HACD1: variants seen among roughly 807,000 people sequenced by gnomAD.
HACD1 encodes the protein very-long-chain (3R)-3-hydroxyacyl-CoA dehydratase 1.
HACD1 carries 41 observed loss-of-function variants against 32.0 expected under a neutral mutation model. The ratio of observed to expected loss-of-function variants is 1.28; its 90% CI spans 1.00 to 1.66. HACD1 has a LOEUF of 1.66. HACD1 is among the 40% of genes most tolerant of loss of function. The pLI, the probability that HACD1 is intolerant of heterozygous loss-of-function variation, is 0.00. For synonymous variants in HACD1, 142 were observed against 139.0 expected (o/e 1.02, Z -0.15); for missense variants, 396 against 380.1 (o/e 1.04, Z -0.35).
intron 6 of HACD1, among the ~76,000 whole-genome samples, chr10:17,592,874 C>T (rs1445097910): frequency 6.6e-6 from 1 of 152,120 alleles, no homozygotes; most frequent in African/African-American, 2.4e-5. Flanking sequence ...TATCTTTCAC[C>T]ACTAAGTCAA....
intron 1 of HACD1, among the ~76,000 whole-genome samples, chr10:17,610,943 A>G (rs1224699212): frequency 6.6e-6 from 1 of 151,764 alleles, no homozygotes; most frequent in Non-Finnish European, 1.5e-5. Context: ...GGCCCAGTGC[A>G]ATGCCCCAAG....
rs1564508399 is a variant in HACD1 at position 17,603,726 on chromosome 10, CAATT to C, written c.390_393del (p.Ile131GlufsTer7). 6.3e-7 allele frequency: 1 copy of C among 1,599,836 alleles called. No individual in the cohort carries two copies. Among genetic ancestry groups the C allele is most frequent in the Non-Finnish European group, 8.6e-7 (1 of 1,167,862 alleles). ...GTATAAAATTGAAGCAAAAACTCACCAATTAAACAGTGAACTATCTGTAAGCAAA... is the reference window on the plus strand; with the variant it reads ...GTATAAAATTGAAGCAAAAACTCACCAAACAGTGAACTATCTGTAAGCAAA... On this transcript the variant is annotated frameshift_variant and splice_region_variant, in exon 3 of 7. Coordinates refer to ENST00000361271, the MANE Select transcript of HACD1 (RefSeq NM_014241.4). LOFTEE classifies it high-confidence loss of function.
chr10:17,598,260 A>AG, intron 5 of HACD1, among the ~76,000 whole-genome samples: 1 of 34,018 alleles, frequency 2.9e-5, no homozygotes, highest in East Asian at 6.8e-4. Flanking sequence ...ACCCTGTCTC[A>AG]AAAAAAAAAA....
intron 5 of HACD1, chr10:17,599,064 C>T (rs1358050620): frequency 1.2e-6 from 1 of 809,810 alleles, no homozygotes. Context: ...CACAATTTGT[C>T]TCACATTGAT....
chr10:17,616,984 C>A, intron 1 of HACD1, 99 bp downstream of exon 1: 1 of 1,220,560 alleles, frequency 8.2e-7, no homozygotes, highest in African/African-American at 1.6e-5. Flanking sequence ...CTGCCCGCAC[C>A]CCCCGCGCCC....
chr10:17,611,235 C>T (rs1307660030), intron 1 of HACD1, among the ~76,000 whole-genome samples: 1 of 152,142 alleles, frequency 6.6e-6, no homozygotes, highest in Non-Finnish European at 1.5e-5. Context: ...CTCCTGACCT[C>T]GTGATCCGCC....
chr10:17,616,471 C>G (rs1588997966), intron 1 of HACD1, among the ~76,000 whole-genome samples: 2 of 152,098 alleles, frequency 1.3e-5, no homozygotes, highest in African/African-American at 4.8e-5. Context: ...GAGCGACAGT[C>G]ATTGTGTAAC....
chr10:17,607,106 A>G (rs546631852), intron 1 of HACD1, among the ~76,000 whole-genome samples: 2 of 152,310 alleles, frequency 1.3e-5, no homozygotes, highest in Non-Finnish European at 2.9e-5. Flanking sequence ...TGGAGAGTCT[A>G]TGCTCAAATA....
At chr10:17,596,008 AAAAAG>A (rs1216978564) in intron 5 of HACD1, among the ~76,000 whole-genome samples, 2 of 152,330 alleles carry the variant, frequency 1.3e-5, no homozygotes, top group South Asian at 4.1e-4. Context: ...TTTAATTTAA[AAAAAG>A]AAAAATGTTT....
intron 1 of HACD1, among the ~76,000 whole-genome samples, chr10:17,614,882 A>G (rs1275570891): frequency 6.6e-6 from 1 of 151,796 alleles, no homozygotes; most frequent in Non-Finnish European, 1.5e-5. Context: ...CCTCCGGAGT[A>G]GCTGGGACTA....
At chr10:17,613,951 G>C (rs1833029676) in intron 1 of HACD1, among the ~76,000 whole-genome samples, 1 of 152,202 alleles carries the variant, frequency 6.6e-6, no homozygotes, top group Non-Finnish European at 1.5e-5. Flanking sequence ...GGGGAATCGG[G>C]AGCAGATTGC....
chr10:17,594,691 G>T (rs1554815857), intron 5 of HACD1, among the ~76,000 whole-genome samples: 1 of 151,728 alleles, frequency 6.6e-6, no homozygotes, highest in Admixed American at 6.6e-5. Context: ...TTTTTGTTTT[G>T]AGATGGAGTT....
intron 6 of HACD1, among the ~76,000 whole-genome samples, chr10:17,592,538 T>G (rs1010397367): frequency 7.9e-5 from 12 of 151,950 alleles, no homozygotes; most frequent in South Asian, 2.1e-4. Context: ...GGCAGCATGG[T>G]GAACTGGGAA....
intron 1 of HACD1, among the ~76,000 whole-genome samples, chr10:17,613,313 A>C (rs534600667): frequency 6.6e-6 from 1 of 152,110 alleles, no homozygotes; most frequent in East Asian, 1.9e-4. Flanking sequence ...AAACACGCCA[A>C]AGTTCTGTTA....
intron 1 of HACD1, among the ~76,000 whole-genome samples, chr10:17,606,913 A>G (rs1209163513): frequency 6.6e-6 from 1 of 152,130 alleles, no homozygotes; most frequent in African/African-American, 2.4e-5. Flanking sequence ...AGGGTCTTCT[A>G]TTATCCTATT....
chr10:17,614,330 G>A (rs1215444892), intron 1 of HACD1, among the ~76,000 whole-genome samples: 3 of 152,138 alleles, frequency 2.0e-5, no homozygotes, highest in Non-Finnish European at 2.9e-5. Context: ...GAGTGCAGTG[G>A]CACGATCTCT....
At position 17,603,996 on chromosome 10, in the gene HACD1, T is replaced by C; in HGVS notation, c.309A>G (p.Thr103=). 1 of 1,607,788 alleles carries C rather than the reference T, an allele frequency of 6.2e-7. No homozygotes were observed. ...GAATACTTTTATATAAACCTCTGTGTGTTCCTTTTTCCATATAAAAACGTA... is the reference window on the plus strand; with the variant it reads ...GAATACTTTTATATAAACCTCTGTGCGTTCCTTTTTCCATATAAAAACGTA... The part of the protein sequence containing the change: ...AMVRFYMEKG[T]HRGLYKSIQK... Residue 103 remains threonine (T), a synonymous_variant, in exon 2 of 7, where the codon ACA becomes ACG. Transcript: ENST00000361271.
chr10:17,602,660 T>C (rs1217197645), intron 4 of HACD1, among the ~76,000 whole-genome samples: 2 of 152,216 alleles, frequency 1.3e-5, no homozygotes, highest in Admixed American at 6.6e-5. Context: ...TATGTACTTA[T>C]TTATTTGTGG....
At chr10:17,610,063 C>A (rs568406194) in intron 1 of HACD1, among the ~76,000 whole-genome samples, 1 of 151,548 alleles carries the variant, frequency 6.6e-6, no homozygotes, top group Admixed American at 6.6e-5. Context: ...TAGGTATTTA[C>A]CCAAGCAAAA....
Sources: gnomAD v4.1 joint callset for allele counts (sites outside exome capture counted in the v4.1 genomes callset) on GRCh38, gnomAD v4.1.1 for gene constraint, MANE v1.5 for transcripts, NCBI Gene and HGNC (gene_info 2026-07-23, HGNC 2026-07-21) for gene names.